Variants in PPP2R3A observed in about 807,000 individuals in gnomAD.
PPP2R3A encodes serine/threonine-protein phosphatase 2A regulatory subunit B'' subunit alpha.
PPP2R3A carries 80 observed loss-of-function variants against 106.9 expected under a neutral mutation model. That is an observed-to-expected ratio of 0.75 (90% CI 0.62 to 0.90). The LOEUF (loss-of-function observed/expected upper bound fraction) is 0.90. Among genes scored for constraint, PPP2R3A ranks in the 40% least tolerant of loss-of-function variants. The probability of loss-of-function intolerance (pLI) is 0.00; values close to 1 mark genes in which losing one functional copy is unlikely to be tolerated. For missense variants in PPP2R3A, 1,386 were observed against 1,350.4 expected (o/e 1.03, Z -0.41); for synonymous variants, 483 against 468.3 (o/e 1.03, Z -0.41).
intron 13 of PPP2R3A, among the ~76,000 whole-genome samples, chr3:136,116,982 T>C (rs536686177): frequency 6.6e-6 from 1 of 152,172 alleles, no homozygotes; most frequent in Non-Finnish European, 1.5e-5. Context: ...GACCACATAA[T>C]TGGAAGTAAA....
At chr3:136,049,812 C>T (rs576511087) in intron 5 of PPP2R3A, among the ~76,000 whole-genome samples, 1 of 152,306 alleles carries the variant, frequency 6.6e-6, no homozygotes, top group South Asian at 2.1e-4. Context: ...TCACTCACTG[C>T]CTCCTGACCC....
intron 6 of PPP2R3A, 73 bp from the exon 7 acceptor site, chr3:136,078,294 A>G (rs898609469): frequency 5.8e-6 from 6 of 1,032,072 alleles, no homozygotes; most frequent in Non-Finnish European, 3.0e-6. Flanking sequence ...AAGTATGTTC[A>G]TAAAATGGCC....
rs1491043147 is a variant in PPP2R3A, at chr3:136,140,022, AAG to A, written c.3330-5019_3330-5018del. Among the ~76,000 whole-genome samples, 6 of 151,634 alleles carry A rather than the reference AAG, an allele frequency of 4.0e-5. No individual in the cohort carries two copies. In the South Asian group the frequency reaches 8.5e-4, roughly 22 times the overall value. On this transcript the variant is annotated intron_variant, in intron 13 of 13. Coordinates refer to ENST00000264977, the MANE Select transcript of PPP2R3A (RefSeq NM_002718.5). ...CTCTGTCTCAAAAAAAAAAAAAAAA[AAG>A]AATATGTTCTCAATTTGATACCTAT...
At chr3:136,126,482 C>T (rs1938186640) in intron 13 of PPP2R3A, among the ~76,000 whole-genome samples, 1 of 152,242 alleles carries the variant, frequency 6.6e-6, no homozygotes, top group African/African-American at 2.4e-5. Context: ...TCGAACTGGG[C>T]AGAGCCCACC....
intron 13 of PPP2R3A, among the ~76,000 whole-genome samples, chr3:136,123,016 G>A (rs916747199): frequency 1.3e-5 from 2 of 152,078 alleles, no homozygotes; most frequent in African/African-American, 4.8e-5. Context: ...ACTCTTTAAT[G>A]GATAAAGGGT....
chr3:136,138,421 C>CT (rs1466975720), intron 13 of PPP2R3A, among the ~76,000 whole-genome samples: 1 of 152,164 alleles, frequency 6.6e-6, no homozygotes, highest in African/African-American at 2.4e-5. Flanking sequence ...GCAAGAGTTC[C>CT]TTTAACCATC....
intron 1 of PPP2R3A, among the ~76,000 whole-genome samples, chr3:135,984,999 A>G (rs1437831663): frequency 6.6e-6 from 1 of 152,124 alleles, no homozygotes; most frequent in East Asian, 1.9e-4. Flanking sequence ...AGGACAGGAA[A>G]GACCTGCCCC....
intron 9 of PPP2R3A, 111 bp downstream of exon 9, chr3:136,088,042 T>C: frequency 1.2e-6 from 1 of 823,574 alleles, no homozygotes; most frequent in Non-Finnish European, 2.0e-6. Flanking sequence ...GACCAAATAA[T>C]ATCCTATAAA....
chr3:136,000,543 T>G (rs1378400927), intron 1 of PPP2R3A, among the ~76,000 whole-genome samples: 1 of 152,160 alleles, frequency 6.6e-6, no homozygotes, highest in African/African-American at 2.4e-5. Context: ...GAGAATAATT[T>G]CTAGGAGTAG....
intron 2 of PPP2R3A, among the ~76,000 whole-genome samples, chr3:136,015,843 C>A (rs573129368): frequency 6.6e-6 from 1 of 151,816 alleles, no homozygotes; most frequent in Non-Finnish European, 1.5e-5. Flanking sequence ...TTTGTTATTT[C>A]TTTTCTTTTG....
intron 5 of PPP2R3A, among the ~76,000 whole-genome samples, chr3:136,057,656 A>G (rs1935918664): frequency 6.6e-6 from 1 of 152,216 alleles, no homozygotes; most frequent in African/African-American, 2.4e-5. Context: ...CTGAATAGAC[A>G]TTGCATAAAA....
chr3:136,143,891 G>T (rs1400172462), intron 13 of PPP2R3A, among the ~76,000 whole-genome samples: 1 of 152,154 alleles, frequency 6.6e-6, no homozygotes, highest in Admixed American at 6.5e-5. Flanking sequence ...GCCCCAATTG[G>T]TACCTTTTTG....
intron 13 of PPP2R3A, among the ~76,000 whole-genome samples, chr3:136,130,828 C>T (rs905900091): frequency 5.3e-5 from 8 of 151,636 alleles, no homozygotes; most frequent in African/African-American, 1.5e-4. Context: ...ACCAATGAAA[C>T]AACAGAGTCC....
chr3:136,048,438 C>A lies in PPP2R3A; in HGVS notation c.2367-821C>A, dbSNP rs578254582. ...CTGTAATCCCAGCACTTTGGGAAGC[C>A]GAGGCAGGCGGATCACAAGGTCAGG... On this transcript the variant is annotated intron_variant, in intron 4 of 13. Transcript: ENST00000264977. 9.3e-4 allele frequency among the ~76,000 whole-genome samples: 142 copies of A among 152,160 alleles called. 1 individual carries two copies. Among genetic ancestry groups the A allele is most frequent in the African/African-American group, 3.2e-3 (134 of 41,482 alleles).
intron 5 of PPP2R3A, chr3:136,055,184 A>T: frequency 1.1e-5 from 8 of 735,884 alleles, no homozygotes; most frequent in Non-Finnish European, 1.6e-5. Flanking sequence ...AGTTATAAAT[A>T]TAGAAGAGAT....
intron 13 of PPP2R3A, among the ~76,000 whole-genome samples, chr3:136,120,051 G>A (rs1029912987): frequency 1.3e-5 from 2 of 151,352 alleles, no homozygotes; most frequent in Non-Finnish European, 2.9e-5. Flanking sequence ...CACGTCCTTT[G>A]CAGGGACATG....
intron 1 of PPP2R3A, among the ~76,000 whole-genome samples, chr3:135,977,003 C>T (rs1198762396): frequency 6.6e-6 from 1 of 152,040 alleles, no homozygotes; most frequent in Non-Finnish European, 1.5e-5. Flanking sequence ...TTTGTTTCTA[C>T]ACCATTAATA....
chr3:136,032,850 A>G (rs1934948018), intron 3 of PPP2R3A, among the ~76,000 whole-genome samples: 1 of 152,106 alleles, frequency 6.6e-6, no homozygotes, highest in South Asian at 2.1e-4. Context: ...CTCTTTATTG[A>G]TTTGGGTGCC....
intron 7 of PPP2R3A, among the ~76,000 whole-genome samples, 159 bp downstream of exon 7, chr3:136,078,612 G>A (rs1284451210): frequency 6.6e-6 from 1 of 151,652 alleles, no homozygotes; most frequent in Non-Finnish European, 1.5e-5. Context: ...GGAATGTTTT[G>A]GGTGAGGGGG....
Sources: gnomAD v4.1 joint callset for allele counts (sites outside exome capture counted in the v4.1 genomes callset) on GRCh38, gnomAD v4.1.1 for gene constraint, MANE v1.5 for transcripts, NCBI Gene and HGNC (gene_info 2026-07-23, HGNC 2026-07-21) for gene names.